CELF2: variants seen among roughly 807,000 people sequenced by gnomAD.
The protein encoded by CELF2 is CUGBP Elav-like family member 2.
In CELF2, 8 loss-of-function variants were observed where a neutral mutation model predicts 62.6. The ratio of observed to expected loss-of-function variants is 0.13; its 90% CI spans 0.07 to 0.23. The LOEUF (loss-of-function observed/expected upper bound fraction) is 0.23, where lower values mean the gene tolerates loss of function less well. Among genes scored for constraint, CELF2 ranks in the 10% least tolerant of loss-of-function variants. CELF2 has a pLI of 1.00. For synonymous variants in CELF2, 258 were observed against 250.0 expected, an observed-to-expected ratio of 1.03 and a Z score of -0.30; for missense variants, 333 against 671.0, an observed-to-expected ratio of 0.50 and a Z score of 5.56.
chr10:10,472,015 G>C, the CELF2 span, among the ~76,000 whole-genome samples: 1 of 150,338 alleles, frequency 6.7e-6, no homozygotes, highest in African/African-American at 2.5e-5. Flanking sequence ...TTCTCTAGCT[G>C]AATTCAAGAT....
At chr10:10,546,727 G>A in the CELF2 span, among the ~76,000 whole-genome samples, 17 of 151,950 alleles carry the variant, frequency 1.1e-4, no homozygotes, top group African/African-American at 1.9e-4. Flanking sequence ...TACTTGAAAC[G>A]ATTCTCCCAA....
intron 2 of CELF2, among the ~76,000 whole-genome samples, chr10:10,981,950 CTTTTT>C (rs34134637): frequency 1.6e-5 from 2 of 125,354 alleles, no homozygotes; most frequent in East Asian, 2.2e-4. Flanking sequence ...CTTCCTTTTC[CTTTTT>C]TTTTTTTTTT....
In CELF2 at chr10:11,075,377, A is replaced by G. The variant is rs1226520160; in HGVS notation, c.74+57214A>G. ...GAAAAGGTTAATGTGAGAACTGCCCAGTAAAAAGATTATATTCTATTTTAC... is the reference window on the plus strand; with the variant it reads ...GAAAAGGTTAATGTGAGAACTGCCCGGTAAAAAGATTATATTCTATTTTAC... On this transcript the variant is annotated intron_variant, in intron 1 of 12. Transcript: ENST00000633077. This position sits in a 1 kb window ranked among gnomAD's most constrained non-coding sequence, Gnocchi z 5.4. 6.6e-6 allele frequency: 1 copy of G among 152,230 alleles called. No individual in the cohort carries two copies. The highest frequency in any genetic ancestry group is 1.5e-5 in the Non-Finnish European group (1 of 68,046). The allele number at this position is 152,230 out of a possible 1,614,324, so 9.4% of individuals were successfully genotyped here. A position where few individuals can be genotyped will look rare whatever the true frequency, so the allele number is the denominator to read the frequency against.
rs1464021621 is a variant in CELF2 at position 11,321,535 on chromosome 10, T to G, written c.1294+149T>G. 3 of 660,536 alleles carry G rather than the reference T, an allele frequency of 4.5e-6. No individual in the cohort carries two copies. Among genetic ancestry groups the G allele is most frequent in the Non-Finnish European group, 7.4e-6 (3 of 402,992 alleles). The allele number at this position is 660,536 out of a possible 1,614,324, so 40.9% of individuals were successfully genotyped here. On this transcript the variant is annotated intron_variant, in intron 11 of 12. Transcript: ENST00000633077. The surrounding 1 kb of genome is among the most constrained non-coding windows in gnomAD (Gnocchi z 6.2). Reference sequence around the variant, plus strand: ...ATTCATGTTTAAAAAAAAAAAAAACTGAAAGCTGGGCATGGTGGCATACAC... The same window carrying G: ...ATTCATGTTTAAAAAAAAAAAAAACGGAAAGCTGGGCATGGTGGCATACAC...
chr10:11,060,816 C>G (rs2066538837), intron 1 of CELF2, among the ~76,000 whole-genome samples: 1 of 152,118 alleles, frequency 6.6e-6, no homozygotes, highest in Admixed American at 6.5e-5. Context: ...ATCTGTGATC[C>G]ATGATCTTTG....
chr10:10,481,461 G>T, the CELF2 span, among the ~76,000 whole-genome samples: 3 of 152,094 alleles, frequency 2.0e-5, no homozygotes, highest in African/African-American at 7.2e-5. Context: ...TTGGGGAAAG[G>T]CATGACAAGA....
At chr10:10,932,158 G>C (rs757938912) in intron 2 of CELF2, among the ~76,000 whole-genome samples, 2 of 152,076 alleles carry the variant, frequency 1.3e-5, no homozygotes, top group Admixed American at 6.6e-5. Flanking sequence ...TCCTATGGGG[G>C]ATACAAGGTA....
At chr10:10,851,695 C>T (rs966456999) in intron 1 of CELF2, among the ~76,000 whole-genome samples, 2 of 152,176 alleles carry the variant, frequency 1.3e-5, no homozygotes, top group Non-Finnish European at 2.9e-5. Context: ...TCTAAATCCT[C>T]TCTGTGATAA....
At chr10:10,755,117 G>C in the CELF2 span, among the ~76,000 whole-genome samples, 1 of 152,120 alleles carries the variant, frequency 6.6e-6, no homozygotes, top group South Asian at 2.1e-4. Flanking sequence ...AAAAATAAGA[G>C]GTGGCAAAAT....
chr10:10,641,074 G>T, the CELF2 span, among the ~76,000 whole-genome samples: 3 of 152,172 alleles, frequency 2.0e-5, no homozygotes, highest in African/African-American at 7.2e-5. Context: ...TGGTATGTCA[G>T]TCAGTCCTAA....
At chr10:11,032,424 C>A (rs917226335) in intron 1 of CELF2, among the ~76,000 whole-genome samples, 2 of 152,050 alleles carry the variant, frequency 1.3e-5, no homozygotes, top group Non-Finnish European at 2.9e-5. Flanking sequence ...TTGAGGCCAG[C>A]CTGTCCCTAA....
chr10:11,042,041 C>G (rs1410808931), intron 1 of CELF2, among the ~76,000 whole-genome samples: 2 of 152,152 alleles, frequency 1.3e-5, no homozygotes, highest in Non-Finnish European at 2.9e-5. Flanking sequence ...TAGACTAGAA[C>G]ATTTCTGTTG....
chr10:10,728,672 C>T, the CELF2 span, among the ~76,000 whole-genome samples: 9 of 152,214 alleles, frequency 5.9e-5, no homozygotes, highest in South Asian at 1.9e-3. Flanking sequence ...GTGTCATTTG[C>T]TATTTTATTG....
the CELF2 span, among the ~76,000 whole-genome samples, chr10:10,744,078 C>T: frequency 2.6e-3 from 403 of 152,224 alleles, 3 homozygotes; most frequent in African/African-American, 9.4e-3. Flanking sequence ...ATAAGACTGT[C>T]TTACAAAGAT....
chr10:10,627,267 G>A, the CELF2 span, among the ~76,000 whole-genome samples: 1 of 152,156 alleles, frequency 6.6e-6, no homozygotes, highest in Admixed American at 6.5e-5. Flanking sequence ...AGAGGGAAGG[G>A]GTAAAGTGTA....
intron 1 of CELF2, chr10:10,798,870 C>G (rs1304800113): frequency 2.5e-6 from 1 of 398,846 alleles, no homozygotes; most frequent in Admixed American, 4.4e-5. Flanking sequence ...TAGCCAAGGC[C>G]CTGCTCCCGC....
At position 11,018,162 on chromosome 10, in the gene CELF2, A is replaced by C; in HGVS notation, c.73A>C (p.Ile25Leu). Residue 25 changes from isoleucine to leucine, a missense_variant and splice_region_variant, in exon 1 of 13, where the codon ATT (isoleucine) becomes CTT (leucine). Around this residue, in one of 3 missense-constraint regions of CELF2, gnomAD observed 45 missense variants for 39.8 expected, o/e 1.13. Transcript: ENST00000633077. ...VEGRLLVPDR[I>L]NGTANKMNGA... ...GGGCCGCCTGCTCGTTCCTGACAGA[A>C]TGTGAGTGGCGCCGCGTCCCGAGGC... 1 of 1,519,786 alleles carries C rather than the reference A, an allele frequency of 6.6e-7. No individual in the cohort carries two copies. Among genetic ancestry groups the C allele is most frequent in the Non-Finnish European group, 8.8e-7 (1 of 1,130,924 alleles). The allele number at this position is 1,519,786 out of a possible 1,614,324, so 94.1% of individuals were successfully genotyped here. A position where few individuals can be genotyped will look rare whatever the true frequency, so the allele number is the denominator to read the frequency against.
the CELF2 span, among the ~76,000 whole-genome samples, chr10:10,537,924 C>G: frequency 6.6e-6 from 1 of 152,084 alleles, no homozygotes; most frequent in Admixed American, 6.5e-5. Context: ...GGTCCGTGGC[C>G]GCGGGAGCCT....
intron 1 of CELF2, among the ~76,000 whole-genome samples, chr10:10,849,660 A>C (rs1181345885): frequency 1.3e-5 from 2 of 152,152 alleles, no homozygotes; most frequent in Admixed American, 1.3e-4. Flanking sequence ...AAAATCAGGA[A>C]ATTAACATGT....
Sources: gnomAD v4.1 joint callset for allele counts (sites outside exome capture counted in the v4.1 genomes callset) on GRCh38, gnomAD v4.1.1 for gene constraint, gnomAD v4.1.1 regional missense constraint, Gnocchi (gnomAD v3.1) non-coding constraint, MANE v1.5 for transcripts, NCBI Gene and HGNC (gene_info 2026-07-23, HGNC 2026-07-21) for gene names.